The following TRIO variants were observed in gnomAD, a reference collection of about 807,000 sequenced individuals.
The protein encoded by TRIO is trio Rho guanine nucleotide exchange factor.
A neutral mutation model predicts 351.9 loss-of-function variants in TRIO; 58 were observed. The ratio of observed to expected loss-of-function variants is 0.16; its 90% CI spans 0.13 to 0.21. The LOEUF (loss-of-function observed/expected upper bound fraction) is 0.21. TRIO is among the 10% of genes least tolerant of loss of function. TRIO has a pLI of 1.00. For missense variants in TRIO, 3,201 were observed against 4,027.8 expected (o/e 0.79, Z 5.56); for synonymous variants, 1,758 against 1,595.7 (o/e 1.10, Z -2.42).
At chr5:14,440,396 G>A (rs987845204) in intron 34 of TRIO, among the ~76,000 whole-genome samples, 9 of 152,340 alleles carry the variant, frequency 5.9e-5, no homozygotes, top group Middle Eastern at 3.4e-3. Flanking sequence ...CAGTTCCCAC[G>A]CAGTGGACAT....
At chr5:14,474,234 G>T in intron 40 of TRIO, 137 bp downstream of exon 40, 2 of 713,768 alleles carry the variant, frequency 2.8e-6, no homozygotes, top group Non-Finnish European at 2.3e-6. Context: ...GTGCAAAGGA[G>T]ATATTGATGT....
chr5:14,381,232 G>A lies in TRIO; in HGVS notation c.3550G>A (p.Glu1184Lys). ...HTQELLKEHEEFQITAKQTKE... is the reference protein window; with the variant it reads ...HTQELLKEHEKFQITAKQTKE... Reference sequence around the variant, plus strand: ...CCAGGAGCTCCTGAAAGAGCACGAGGAGTTCCAGATAACTGCAAAGGTGGG... The same window carrying A: ...CCAGGAGCTCCTGAAAGAGCACGAGAAGTTCCAGATAACTGCAAAGGTGGG... Residue 1184 changes from glutamate to lysine, a missense_variant, in exon 21 of 57, where the codon GAG (glutamate) becomes AAG (lysine). By Grantham distance (56) the Glu-to-Lys change is moderately conservative. Around this residue, in one of 19 missense-constraint regions of TRIO, gnomAD observed 201 missense variants for 266.5 expected, o/e 0.75. Transcript: ENST00000344204. 1 of 1,612,954 alleles carries A rather than the reference G, an allele frequency of 6.2e-7. No homozygotes were observed. Among genetic ancestry groups the A allele is most frequent in the South Asian group, 1.1e-5 (1 of 90,804 alleles).
At chr5:14,166,746 C>T (rs1220403559) in intron 1 of TRIO, among the ~76,000 whole-genome samples, 3 of 152,128 alleles carry the variant, frequency 2.0e-5, no homozygotes, top group Non-Finnish European at 4.4e-5. Context: ...AAAACTGGGC[C>T]AGAGGCTGGG....
chr5:14,246,319 A>T (rs1038935196), intron 1 of TRIO, among the ~76,000 whole-genome samples: 2 of 152,200 alleles, frequency 1.3e-5, no homozygotes, highest in African/African-American at 2.4e-5. Context: ...GTTTAACATC[A>T]TTGAGGGCTG....
chr5:14,379,979 T>C (rs1281842817), intron 20 of TRIO, among the ~76,000 whole-genome samples: 1 of 152,132 alleles, frequency 6.6e-6, no homozygotes, highest in Non-Finnish European at 1.5e-5. Context: ...CAGGCCTCAC[T>C]GCTCTCCTTC....
At chr5:14,187,589 C>T (rs1790202685) in intron 1 of TRIO, among the ~76,000 whole-genome samples, 1 of 152,134 alleles carries the variant, frequency 6.6e-6, no homozygotes, top group African/African-American at 2.4e-5. Flanking sequence ...TAAGTAAGTT[C>T]TATTTCTTCT....
intron 34 of TRIO, among the ~76,000 whole-genome samples, chr5:14,450,908 A>G (rs1006033577): frequency 6.6e-6 from 1 of 152,244 alleles, no homozygotes; most frequent in Admixed American, 6.5e-5. Context: ...AGAGGAACAA[A>G]TTAAGACTCA....
chr5:14,506,018 G>A (rs1186970218), intron 55 of TRIO, among the ~76,000 whole-genome samples: 4 of 152,156 alleles, frequency 2.6e-5, no homozygotes, highest in Non-Finnish European at 4.4e-5. Context: ...TCGTGGGGCC[G>A]AGATGGGGCG....
intron 34 of TRIO, 156 bp downstream of exon 34, chr5:14,420,177 T>C: frequency 8.9e-7 from 1 of 1,119,046 alleles, no homozygotes; most frequent in Non-Finnish European, 1.3e-6. Context: ...TTCCAGTCCA[T>C]CAGCACCTGA....
intron 34 of TRIO, among the ~76,000 whole-genome samples, chr5:14,454,815 C>T (rs768288407): frequency 1.3e-5 from 2 of 152,172 alleles, no homozygotes; most frequent in East Asian, 1.9e-4. Context: ...CGTGGATCTT[C>T]GTGGTGTTAC....
At chr5:14,190,982 T>C (rs1244800591) in intron 1 of TRIO, among the ~76,000 whole-genome samples, 1 of 150,770 alleles carries the variant, frequency 6.6e-6, no homozygotes, top group Non-Finnish European at 1.5e-5. Context: ...TTGATATGTA[T>C]ATTATAATTA....
chr5:14,334,107 C>T (rs1222900122), intron 10 of TRIO, among the ~76,000 whole-genome samples: 4 of 152,224 alleles, frequency 2.6e-5, no homozygotes, highest in Non-Finnish European at 5.9e-5. Flanking sequence ...CCCTCTGTGC[C>T]TCGATTTCCT....
intron 21 of TRIO, 149 bp downstream of exon 21, chr5:14,381,401 A>C: frequency 1.0e-6 from 1 of 1,000,206 alleles, no homozygotes; most frequent in East Asian, 2.8e-5. Flanking sequence ...CCTTCCGTTC[A>C]CGTGTGTCCC....
chr5:14,172,360 C>T (rs1789149103), intron 1 of TRIO, among the ~76,000 whole-genome samples: 1 of 152,116 alleles, frequency 6.6e-6, no homozygotes, highest in Non-Finnish European at 1.5e-5. Flanking sequence ...GACTAAAGTT[C>T]CAAAATAACT....
intron 8 of TRIO, among the ~76,000 whole-genome samples, chr5:14,306,690 A>G (rs1738403563): frequency 1.3e-5 from 2 of 152,234 alleles, no homozygotes; most frequent in South Asian, 4.1e-4. Flanking sequence ...GACCCTGGGA[A>G]TACAGTCTTT....
intron 8 of TRIO, among the ~76,000 whole-genome samples, chr5:14,305,957 A>T (rs1298308750): frequency 6.6e-6 from 1 of 152,240 alleles, no homozygotes; most frequent in Non-Finnish European, 1.5e-5. Context: ...CATGCTGTAC[A>T]GGTTTGTAGC....
intron 2 of TRIO, among the ~76,000 whole-genome samples, chr5:14,271,718 T>G (rs1044596282): frequency 7.9e-5 from 12 of 152,232 alleles, no homozygotes; most frequent in African/African-American, 2.9e-4. Context: ...TGAATTTCCC[T>G]TGAGAATTTT....
Position 14,286,199 on chromosome 5 carries a change from A to G in TRIO, c.348-672A>G, listed in dbSNP as rs1736432739. ...TGTTAAGCCAGCGTTGCTACCACAT[A>G]AAGGCTTAGTACAGTTGTGGAACTA... is the stretch of plus-strand genomic sequence containing the variant. On this transcript the variant is annotated intron_variant, in intron 3 of 56. Transcript: ENST00000344204. The surrounding 1 kb of genome is among the most constrained non-coding windows in gnomAD (Gnocchi z 4.4). 6.6e-6 allele frequency among the ~76,000 whole-genome samples: 1 copy of G among 152,164 alleles called. No homozygotes were observed. Among genetic ancestry groups the G allele is most frequent in the Non-Finnish European group, 1.5e-5 (1 of 68,042 alleles).
chr5:14,144,030 T>G (rs1787336824), intron 1 of TRIO, 148 bp downstream of exon 1: 2 of 531,768 alleles, frequency 3.8e-6, no homozygotes, highest in South Asian at 1.7e-4. Flanking sequence ...GGACCACTGC[T>G]TCCATGCGCC....
Sources: allele counts gnomAD v4.1 joint callset (sites outside exome capture counted in the v4.1 genomes callset), GRCh38; gene constraint gnomAD v4.1.1; regional missense constraint gnomAD v4.1.1; non-coding constraint Gnocchi (gnomAD v3.1); transcripts MANE v1.5; gene names NCBI Gene and HGNC (gene_info 2026-07-23, HGNC 2026-07-21).